The following SESN1 variants were observed in gnomAD, a reference collection of about 807,000 sequenced individuals.
The protein encoded by SESN1 is sestrin 1, also known as sestrin-1.
SESN1 carries 30 observed loss-of-function variants against 59.3 expected under a neutral mutation model. The ratio of observed to expected loss-of-function variants is 0.51; its 90% CI spans 0.38 to 0.69. The LOEUF is 0.69. Ranked by LOEUF, SESN1 falls within the 30% of genes least tolerant of loss-of-function variation. SESN1 has a pLI of 0.00. For missense variants in SESN1, 566 were observed against 673.0 expected, an observed-to-expected ratio of 0.84 and a Z score of 1.76; for synonymous variants, 197 against 219.9, an observed-to-expected ratio of 0.90 and a Z score of 0.92.
intron 1 of SESN1, among the ~76,000 whole-genome samples, chr6:109,075,672 C>A (rs1053795676): frequency 1.3e-5 from 2 of 152,118 alleles, no homozygotes; most frequent in Admixed American, 1.3e-4. Flanking sequence ...AGACCATGGC[C>A]CTGGCAGATA....
intron 7 of SESN1, among the ~76,000 whole-genome samples, chr6:108,992,319 T>C (rs1361426432): frequency 6.6e-6 from 1 of 152,144 alleles, no homozygotes; most frequent in Non-Finnish European, 1.5e-5. Context: ...TTTCCCCTTG[T>C]TGGCCAGGCT....
At chr6:109,071,821 A>T (rs1206581683) in intron 1 of SESN1, among the ~76,000 whole-genome samples, 1 of 152,194 alleles carries the variant, frequency 6.6e-6, no homozygotes, top group East Asian at 1.9e-4. Context: ...AAAACTCCCC[A>T]GTTTCAATCA....
chr6:109,000,765 T>G, intron 3 of SESN1, 92 bp from the exon 4 acceptor site: 1 of 1,078,564 alleles, frequency 9.3e-7, no homozygotes, highest in Non-Finnish European at 1.2e-6. Context: ...CTAATTAAGT[T>G]TATTAGTATG....
At chr6:109,052,785 G>A (rs1780561797) in intron 1 of SESN1, among the ~76,000 whole-genome samples, 1 of 152,008 alleles carries the variant, frequency 6.6e-6, no homozygotes, top group Admixed American at 6.6e-5. Context: ...GCAGTTTTGA[G>A]ACGAGACAGA....
intron 1 of SESN1, among the ~76,000 whole-genome samples, chr6:109,084,299 G>A (rs535125638): frequency 5.9e-5 from 9 of 152,244 alleles, no homozygotes; most frequent in East Asian, 3.9e-4. Context: ...AGTGGCTCAC[G>A]CCTGTAATCC....
chr6:109,032,852 G>C (rs945951158), intron 1 of SESN1, among the ~76,000 whole-genome samples: 1 of 152,062 alleles, frequency 6.6e-6, no homozygotes, highest in African/African-American at 2.4e-5. Flanking sequence ...ACAATAGGCT[G>C]TAGTTTTTTA....
intron 7 of SESN1, among the ~76,000 whole-genome samples, chr6:108,991,949 C>T (rs1015130894): frequency 6.6e-6 from 1 of 152,212 alleles, no homozygotes; most frequent in South Asian, 2.1e-4. Context: ...TGTCTAGTCT[C>T]CTCTACTTAC....
At chr6:109,041,900 T>A (rs1780348944) in intron 1 of SESN1, among the ~76,000 whole-genome samples, 1 of 152,154 alleles carries the variant, frequency 6.6e-6, no homozygotes, top group Admixed American at 6.5e-5. Context: ...ATACATAGCC[T>A]TTTAGCATGC....
At chr6:109,039,622 C>A (rs1465485736) in intron 1 of SESN1, among the ~76,000 whole-genome samples, 1 of 152,222 alleles carries the variant, frequency 6.6e-6, no homozygotes, top group East Asian at 1.9e-4. Flanking sequence ...AGTCCCATCA[C>A]TGGGATTAAA....
At chr6:109,093,761 G>A in intron 1 of SESN1, 34 bp downstream of exon 1, 1 of 1,592,848 alleles carries the variant, frequency 6.3e-7, no homozygotes, top group Non-Finnish European at 8.6e-7. Context: ...AACTGTAGTA[G>A]AGACATAGTT....
chr6:109,065,570 G>A (rs1780810485), intron 1 of SESN1, among the ~76,000 whole-genome samples: 2 of 151,986 alleles, frequency 1.3e-5, no homozygotes, highest in South Asian at 4.1e-4. Context: ...CCTCAAATGT[G>A]TAACAATATG....
chr6:109,062,164 A>G (rs1213646177), intron 1 of SESN1, among the ~76,000 whole-genome samples: 3 of 152,210 alleles, frequency 2.0e-5, no homozygotes, highest in African/African-American at 7.2e-5. Context: ...AGCTGGGACT[A>G]CAGGCATGAG....
At position 109,076,111 on chromosome 6, in the gene SESN1, C is replaced by T. The variant is rs1168387978; in HGVS notation, c.279+17684G>A. Among the ~76,000 whole-genome samples the T allele has an allele frequency of 2.0e-5, 3 of 152,230 alleles. 1 individual carries two copies. The highest frequency in any genetic ancestry group is 4.1e-4 in the South Asian group (2 of 4,832). On this transcript the variant is annotated intron_variant, in intron 1 of 9. Transcript: ENST00000436639. ...CTAGTTCCATGCTTCAGTGACCAGACCAGATTGGAATCTAAGTGCATGTGT... is the reference window on the plus strand; with the variant it reads ...CTAGTTCCATGCTTCAGTGACCAGATCAGATTGGAATCTAAGTGCATGTGT...
In SESN1 at chr6:108,992,291, T is replaced by C. The variant is rs558969066; in HGVS notation, c.1233+496A>G. 9.7e-4 allele frequency among the ~76,000 whole-genome samples: 148 copies of C among 152,166 alleles called. 4 individuals are homozygous for C. In the South Asian group the frequency reaches 0.029, roughly 30 times the overall value. On this transcript the variant is annotated intron_variant, in intron 7 of 9. Transcript: ENST00000436639. Reference sequence around the variant, plus strand: ...TTTTATTTTATTTTTTATTTTTATTTTTTTTGTGGAGACAGGGTTTCCCCT... The same window carrying C: ...TTTTATTTTATTTTTTATTTTTATTCTTTTTGTGGAGACAGGGTTTCCCCT...
chr6:109,051,315 C>T (rs555263550), intron 1 of SESN1, among the ~76,000 whole-genome samples: 1 of 150,210 alleles, frequency 6.7e-6, no homozygotes, highest in African/African-American at 2.4e-5. Context: ...ATTTACCAAA[C>T]ATTGAAACTG....
intron 1 of SESN1, among the ~76,000 whole-genome samples, chr6:109,011,057 T>C (rs1313210826): frequency 6.6e-6 from 1 of 152,278 alleles, no homozygotes; most frequent in East Asian, 1.9e-4. Context: ...TATGATTTTA[T>C]TTCTGAAGGA....
At chr6:108,989,070 T>C (rs1044572835) in intron 8 of SESN1, among the ~76,000 whole-genome samples, 77 of 152,320 alleles carry the variant, frequency 5.1e-4, no homozygotes, top group African/African-American at 1.9e-3. Flanking sequence ...TGGTGCTATC[T>C]TGGCTTATTG....
chr6:109,091,832 T>C (rs957094937), intron 1 of SESN1, among the ~76,000 whole-genome samples: 6 of 152,220 alleles, frequency 3.9e-5, no homozygotes, highest in African/African-American at 7.2e-5. Flanking sequence ...TGAATGATGC[T>C]GGGGTGGAAA....
chr6:109,013,504 G>C (rs560586601), intron 1 of SESN1, among the ~76,000 whole-genome samples: 113 of 152,216 alleles, frequency 7.4e-4, no homozygotes, highest in Non-Finnish European at 1.5e-3. Flanking sequence ...GAGCGCATTA[G>C]GTCTTTAAAA....
Sources: gnomAD v4.1 joint callset for allele counts (sites outside exome capture counted in the v4.1 genomes callset) on GRCh38, gnomAD v4.1.1 for gene constraint, MANE v1.5 for transcripts, NCBI Gene and HGNC (gene_info 2026-07-23, HGNC 2026-07-21) for gene names.